The following DPH6 variants were observed in gnomAD, a reference collection of about 807,000 sequenced individuals.
DPH6 encodes the protein diphthine--ammonia ligase.
Under a neutral mutation model 38.2 loss-of-function variants are expected in DPH6, and 33 were observed. The ratio of observed to expected loss-of-function variants is 0.86; its 90% CI spans 0.65 to 1.15. The LOEUF is 1.15. Ranked by LOEUF, DPH6 falls within the 50% of genes most tolerant of loss-of-function variation. DPH6 has a pLI of 0.00. For missense variants in DPH6, 325 were observed against 320.0 expected (o/e 1.02, Z -0.12); for synonymous variants, 108 against 103.0 (o/e 1.05, Z -0.30).
intron 5 of DPH6, among the ~76,000 whole-genome samples, chr15:35,447,731 T>C (rs1056827252): frequency 2.4e-4 from 37 of 152,134 alleles, no homozygotes; most frequent in African/African-American, 8.9e-4. Context: ...GTTTTGTGCA[T>C]TGACAACACT....
At chr15:35,397,859 T>TTATATATA (rs60188110) in intron 6 of DPH6, among the ~76,000 whole-genome samples, 2,236 of 112,558 alleles carry the variant, frequency 0.02, 89 homozygotes, top group African/African-American at 0.075. Context: ...TGGAATCAAT[T>TTATATATA]TATATATATA....
intron 3 of DPH6, among the ~76,000 whole-genome samples, chr15:35,293,577 T>A (rs1469698039): frequency 1.3e-5 from 2 of 152,070 alleles, no homozygotes; most frequent in African/African-American, 2.4e-5. Context: ...CCTGAAAGAG[T>A]TAGTGTAGTT....
intron 3 of DPH6, among the ~76,000 whole-genome samples, chr15:35,301,219 T>C (rs1365378407): frequency 2.6e-5 from 4 of 152,190 alleles, no homozygotes; most frequent in African/African-American, 9.7e-5. Context: ...TAGGTAACCA[T>C]GACTTTGTCA....
intron 3 of DPH6, among the ~76,000 whole-genome samples, chr15:35,259,203 C>T (rs563731213): frequency 1.3e-5 from 2 of 151,728 alleles, no homozygotes; most frequent in South Asian, 4.2e-4. Context: ...TTTCCCTTCT[C>T]GAATTCTGTA....
At chr15:35,383,145 T>C (rs2052894827) in intron 6 of DPH6, among the ~76,000 whole-genome samples, 1 of 152,242 alleles carries the variant, frequency 6.6e-6, no homozygotes, top group South Asian at 2.1e-4. Flanking sequence ...GAAAATGTTT[T>C]ACTGAAGTTC....
downstream of DPH6, among the ~76,000 whole-genome samples, chr15:35,368,594 C>T (rs148469838): frequency 6.6e-5 from 10 of 151,834 alleles, no homozygotes; most frequent in East Asian, 1.5e-3. Flanking sequence ...GAGAGATAAG[C>T]ATGGGGATGG....
intron 4 of DPH6, 137 bp from the exon 5 acceptor site, chr15:35,450,940 T>G (rs1302174404): frequency 6.2e-6 from 4 of 647,138 alleles, no homozygotes; most frequent in South Asian, 2.2e-5. Flanking sequence ...AAACATATTT[T>G]GCATAATGTT....
At chr15:35,386,765 C>T (rs1300674118) in intron 6 of DPH6, among the ~76,000 whole-genome samples, 4 of 151,878 alleles carry the variant, frequency 2.6e-5, no homozygotes, top group Non-Finnish European at 4.4e-5. Context: ...GAGTAGGTTG[C>T]AAAAATTTTC....
At chr15:35,145,600 G>A in the DPH6 span, among the ~76,000 whole-genome samples, 1 of 152,198 alleles carries the variant, frequency 6.6e-6, no homozygotes, top group Non-Finnish European at 1.5e-5. Context: ...TCCTGTCTAT[G>A]AGGGGTAGAT....
intron 3 of DPH6, among the ~76,000 whole-genome samples, chr15:35,477,017 C>T (rs1211437602): frequency 6.6e-6 from 1 of 151,680 alleles, no homozygotes; most frequent in Non-Finnish European, 1.5e-5. Context: ...CAAATTATGA[C>T]AATAGACATT....
intron 3 of DPH6, among the ~76,000 whole-genome samples, chr15:35,494,531 G>A (rs955385314): frequency 1.3e-5 from 2 of 151,982 alleles, no homozygotes; most frequent in Non-Finnish European, 2.9e-5. Flanking sequence ...TAGAATATTA[G>A]GTGGCTGAAT....
chr15:35,415,721 T>C (rs2141003286), intron 5 of DPH6, among the ~76,000 whole-genome samples: 1 of 152,172 alleles, frequency 6.6e-6, no homozygotes, highest in South Asian at 2.1e-4. Flanking sequence ...TCTGTATTCA[T>C]GAAAGTATTT....
At chr15:35,422,849 A>G (rs1003524283) in intron 5 of DPH6, among the ~76,000 whole-genome samples, 5 of 152,024 alleles carry the variant, frequency 3.3e-5, no homozygotes, top group African/African-American at 1.2e-4. Flanking sequence ...TTTACATAGT[A>G]TAAGGTCCTC....
chr15:35,160,427 G>C, the DPH6 span, among the ~76,000 whole-genome samples: 1 of 151,866 alleles, frequency 6.6e-6, no homozygotes, highest in Non-Finnish European at 1.5e-5. Context: ...CCAATAGTTG[G>C]TTCTTTATTT....
chr15:35,428,135 C>T (rs1229393217), intron 5 of DPH6, among the ~76,000 whole-genome samples: 1 of 151,956 alleles, frequency 6.6e-6, no homozygotes, highest in Non-Finnish European at 1.5e-5. Flanking sequence ...GTGTAAGCAT[C>T]AAATTTTAAT....
chr15:35,213,183 C>T (rs28519627), downstream of DPH6, among the ~76,000 whole-genome samples: 1 of 152,188 alleles, frequency 6.6e-6, no homozygotes, highest in East Asian at 1.9e-4. Flanking sequence ...CTTTCCAAGA[C>T]TGATTCAAGG....
At chr15:35,333,093 TA>T (rs34059551) in intron 3 of DPH6, among the ~76,000 whole-genome samples, 43,267 of 139,828 alleles carry the variant, frequency 0.31, 6,349 homozygotes, top group South Asian at 0.39. Context: ...ATCAGGAAGC[TA>T]AAAAAAAAAA....
At chr15:35,183,815 T>TG in the DPH6 span, among the ~76,000 whole-genome samples, 14 of 152,326 alleles carry the variant, frequency 9.2e-5, no homozygotes, top group South Asian at 1.9e-3. Context: ...TCATATACAA[T>TG]GTTAAAATAG....
chr15:35,273,142 TAA>T (rs112369379), intron 3 of DPH6, among the ~76,000 whole-genome samples: 4 of 147,820 alleles, frequency 2.7e-5, no homozygotes, highest in African/African-American at 9.9e-5. Context: ...TCTTTAAAAT[TAA>T]AAAAAAAAAA....
Sources: gnomAD v4.1 joint callset for allele counts (sites outside exome capture counted in the v4.1 genomes callset) on GRCh38, gnomAD v4.1.1 for gene constraint, MANE v1.5 for transcripts, NCBI Gene and HGNC (gene_info 2026-07-23, HGNC 2026-07-21) for gene names.